CDH8: variants seen among roughly 807,000 people sequenced by gnomAD.
CDH8 encodes the protein cadherin 8.
Under a neutral mutation model 68.1 loss-of-function variants are expected in CDH8, and 17 were observed. The ratio of observed to expected loss-of-function variants is 0.25; its 90% CI spans 0.17 to 0.37. The LOEUF is 0.37. Ranked by LOEUF, CDH8 falls within the 10% of genes least tolerant of loss-of-function variation. CDH8 has a pLI of 1.00. For missense variants in CDH8, 763 were observed against 999.3 expected (o/e 0.76, Z 3.19); for synonymous variants, 372 against 365.1 (o/e 1.02, Z -0.21).
At chr16:61,756,804 A>T (rs1960331605) in intron 8 of CDH8, among the ~76,000 whole-genome samples, 1 of 152,154 alleles carries the variant, frequency 6.6e-6, no homozygotes, top group African/African-American at 2.4e-5. Context: ...TTGAATAAGA[A>T]TCTCTAGGCT....
At chr16:61,800,502 T>C (rs749844486) in intron 7 of CDH8, among the ~76,000 whole-genome samples, 8 of 152,214 alleles carry the variant, frequency 5.3e-5, no homozygotes, top group Non-Finnish European at 1.2e-4. Context: ...TTTAGGTCTT[T>C]TCCTGTGCTT....
chr16:61,904,137 T>G (rs1964026614), intron 2 of CDH8, among the ~76,000 whole-genome samples: 1 of 152,172 alleles, frequency 6.6e-6, no homozygotes, highest in African/African-American at 2.4e-5. Flanking sequence ...TACATACTCT[T>G]GCACATGACT....
chr16:61,790,300 A>T (rs764382628), intron 7 of CDH8, among the ~76,000 whole-genome samples: 6 of 152,058 alleles, frequency 3.9e-5, no homozygotes, highest in Non-Finnish European at 5.9e-5. Flanking sequence ...CAAAGAAAAG[A>T]AATTATTCTC....
Position 61,713,836 on chromosome 16 carries a change from T to A in CDH8, c.1654+5A>T. 1 of 1,425,184 alleles carries A rather than the reference T, an allele frequency of 7.0e-7. No homozygotes were observed. The highest frequency in any genetic ancestry group is 9.9e-7 in the Non-Finnish European group (1 of 1,009,010). The allele number at this position is 1,425,184 out of a possible 1,614,324, so 88.3% of individuals were successfully genotyped here. ...TACTCTGTTTCACAAAGCTAATATA[T>A]TTACCTTCATTTTTCTTGATGGTGA... is the stretch of plus-strand genomic sequence containing the variant. On this transcript the variant is annotated splice_donor_5th_base_variant and intron_variant, in intron 10 of 11. Transcript: ENST00000577390.
At chr16:61,709,616 T>C (rs917269564) in intron 10 of CDH8, among the ~76,000 whole-genome samples, 2 of 152,068 alleles carry the variant, frequency 1.3e-5, no homozygotes. Flanking sequence ...AGATGGAAGT[T>C]TGGAGGCAAT....
rs538284489 is a variant in CDH8 at position 61,919,536 on chromosome 16, G to A, written c.253-18063C>T. On this transcript the variant is annotated intron_variant, in intron 2 of 11. Coordinates refer to ENST00000577390, the MANE Select transcript of CDH8 (RefSeq NM_001796.5). ...GAAGAATGCAGAAGCCTCAGGAGCC[G>A]ATGAGATCAACTGGAAGAAAGGGTA... Among the ~76,000 whole-genome samples, 931 of 149,220 alleles carry A rather than the reference G, an allele frequency of 6.2e-3. 6 individuals are homozygous for A. Among genetic ancestry groups the A allele is most frequent in the African/African-American group, 0.022 (893 of 40,078 alleles).
chr16:61,850,420 T>A (rs959926843), intron 4 of CDH8, among the ~76,000 whole-genome samples: 1 of 151,908 alleles, frequency 6.6e-6, no homozygotes, highest in African/African-American at 2.4e-5. Context: ...CATTTCAACA[T>A]AAGATTAGGA....
At chr16:61,787,179 G>C (rs943834508) in intron 8 of CDH8, among the ~76,000 whole-genome samples, 3 of 151,874 alleles carry the variant, frequency 2.0e-5, no homozygotes, top group Admixed American at 1.3e-4. Flanking sequence ...GAAAATTTTC[G>C]CAACCTACTC....
intron 8 of CDH8, among the ~76,000 whole-genome samples, chr16:61,757,643 C>T (rs1490691937): frequency 6.6e-6 from 1 of 152,088 alleles, no homozygotes; most frequent in Non-Finnish European, 1.5e-5. Flanking sequence ...AAGTTAGCAG[C>T]TTCTATCTCT....
intron 2 of CDH8, among the ~76,000 whole-genome samples, chr16:61,959,523 C>CCTCTCTCTCT (rs10624937): frequency 0.082 from 10,904 of 132,860 alleles, 454 homozygotes; most frequent in Middle Eastern, 0.13. Flanking sequence ...CCTTATCCTC[C>CCTCTCTCTCT]CTCTCTCTCT....
chr16:61,997,082 T>C (rs1394295727), intron 2 of CDH8, among the ~76,000 whole-genome samples: 1 of 152,104 alleles, frequency 6.6e-6, no homozygotes, highest in East Asian at 1.9e-4. Context: ...AGAATAATTC[T>C]TCTCCTTTAT....
intron 2 of CDH8, among the ~76,000 whole-genome samples, chr16:61,911,165 C>CGGAT (rs922674221): frequency 1.8e-4 from 28 of 151,604 alleles, no homozygotes; most frequent in African/African-American, 5.3e-4. Flanking sequence ...GAAGGATGGA[C>CGGAT]GGATGGATGG....
rs117963928 is a variant in CDH8 at position 61,902,321 on chromosome 16, G to A, written c.253-848C>T. Among the ~76,000 whole-genome samples, 196 of 152,142 alleles carry A rather than the reference G, an allele frequency of 1.3e-3. 6 individuals carry two copies. The East Asian group carries it at 0.021, about 17-fold the overall frequency. ...CTAAAACATTTTGGTAGGTACCAGG[G>A]AAAACAGAATCCCTGGTTTTAAGGT... On this transcript the variant is annotated intron_variant, in intron 2 of 11. Coordinates refer to ENST00000577390, the MANE Select transcript of CDH8 (RefSeq NM_001796.5).
intron 10 of CDH8, among the ~76,000 whole-genome samples, chr16:61,695,242 G>A (rs529764199): frequency 3.9e-5 from 6 of 152,052 alleles, no homozygotes; most frequent in Admixed American, 3.3e-4. Context: ...CTCCTTATAG[G>A]CTCTGCTATA....
chr16:62,014,389 C>A (rs1234462646), intron 2 of CDH8, among the ~76,000 whole-genome samples: 5 of 152,238 alleles, frequency 3.3e-5, no homozygotes, highest in African/African-American at 1.2e-4. Context: ...TTGAGACATG[C>A]GTGCTGACTT....
chr16:61,827,775 C>T (rs1254049300), intron 4 of CDH8, among the ~76,000 whole-genome samples: 1 of 151,772 alleles, frequency 6.6e-6, no homozygotes, highest in Non-Finnish European at 1.5e-5. Context: ...ATACAGTTGA[C>T]TCTTGAACAA....
At chr16:61,739,733 AAAAAAG>A (rs1351408737) in intron 8 of CDH8, among the ~76,000 whole-genome samples, 8 of 142,810 alleles carry the variant, frequency 5.6e-5, no homozygotes, top group Non-Finnish European at 7.7e-5. Flanking sequence ...GCCTCAAAAA[AAAAAAG>A]AAAAGAAAAG....
At chr16:61,989,712 A>G (rs16964142) in intron 2 of CDH8, among the ~76,000 whole-genome samples, 2,743 of 152,328 alleles carry the variant, frequency 0.018, 56 homozygotes, top group African/African-American at 0.046. Flanking sequence ...GAGTCTAAGG[A>G]ATGAAAAACA....
rs955507045 is a variant in CDH8, at chr16:61,649,919, G to T, written c.*3689C>A. The T allele has an allele frequency of 9.2e-5, 14 of 152,164 alleles. No homozygotes were observed. Among genetic ancestry groups the T allele is most frequent in the Middle Eastern group, 6.8e-3 (2 of 294 alleles). The allele number at this position is 152,164 out of a possible 1,614,324, so 9.4% of individuals were successfully genotyped here. On this transcript the variant is annotated 3_prime_UTR_variant, in exon 12 of 12. Transcript: ENST00000577390. ...CATGCAGAGACTTGTCTTACTTTAA[G>T]CATCTGATTAAGCAGACTCTCCCAA...
Sources: allele counts gnomAD v4.1 joint callset (sites outside exome capture counted in the v4.1 genomes callset), GRCh38; gene constraint gnomAD v4.1.1; transcripts MANE v1.5; gene names NCBI Gene and HGNC (gene_info 2026-07-23, HGNC 2026-07-21).